Variants in GOLIM4 observed in about 807,000 individuals in gnomAD.
The protein encoded by GOLIM4 is golgi integral membrane protein 4.
GOLIM4 carries 71 observed loss-of-function variants against 107.4 expected under a neutral mutation model. The observed-to-expected ratio is 0.66, with a 90% CI of 0.55 to 0.81. The LOEUF (loss-of-function observed/expected upper bound fraction) is 0.81. Ranked by LOEUF, GOLIM4 falls within the 30% of genes least tolerant of loss-of-function variation. The probability of loss-of-function intolerance (pLI) is 0.00; values close to 1 mark genes in which losing one functional copy is unlikely to be tolerated. For synonymous variants in GOLIM4, 327 were observed against 294.8 expected (o/e 1.11, Z -1.12); for missense variants, 830 against 826.1 (o/e 1.00, Z -0.06).
chr3:168,093,632 C>T (rs1722016417), intron 1 of GOLIM4, among the ~76,000 whole-genome samples: 2 of 152,104 alleles, frequency 1.3e-5, no homozygotes. Flanking sequence ...AATAAGTAAA[C>T]AAATATCCAT....
intron 1 of GOLIM4, among the ~76,000 whole-genome samples, chr3:168,091,480 G>T (rs1259983251): frequency 6.6e-6 from 1 of 152,166 alleles, no homozygotes; most frequent in Non-Finnish European, 1.5e-5. Flanking sequence ...AATTGTCAAG[G>T]AAGGTCCTTT....
Position 168,032,588 on chromosome 3 carries a change from G to C in GOLIM4, c.1108C>G (p.Arg370Gly), listed in dbSNP as rs527632713. Residue 370 changes from arginine to glycine, a missense_variant, in exon 9 of 16, where the codon CGG (arginine) becomes GGG (glycine). Transcript: ENST00000470487. ...TGCTCATGCTGCTCTTTCCACTCCC[G>C]ATCCTGCTCCTCTGGTGATGGATCG... ...EHDPSPEEQD[R>G]EWKEQHEQRE... 6.2e-7 allele frequency: 1 copy of C among 1,613,956 alleles called. No homozygotes were observed. The highest frequency in any genetic ancestry group is 8.5e-7 in the Non-Finnish European group (1 of 1,179,998).
At chr3:168,076,063 T>C (rs1721069599) in intron 1 of GOLIM4, among the ~76,000 whole-genome samples, 1 of 152,196 alleles carries the variant, frequency 6.6e-6, no homozygotes, top group African/African-American at 2.4e-5. Context: ...AAGAAATGCT[T>C]ACAATCAGAT....
intron 7 of GOLIM4, among the ~76,000 whole-genome samples, chr3:168,037,776 A>C (rs1489519964): frequency 1.3e-5 from 2 of 152,224 alleles, no homozygotes; most frequent in Non-Finnish European, 2.9e-5. Flanking sequence ...GGAGCTAGAA[A>C]ATTAGAAAAA....
At chr3:168,041,993 CT>C (rs1719033281) in intron 5 of GOLIM4, among the ~76,000 whole-genome samples, 1 of 152,058 alleles carries the variant, frequency 6.6e-6, no homozygotes, top group South Asian at 2.1e-4. Flanking sequence ...TTGTAACTTA[CT>C]TTTTTTGAAA....
chr3:168,038,766 G>A (rs749636036), intron 7 of GOLIM4, among the ~76,000 whole-genome samples: 3 of 152,162 alleles, frequency 2.0e-5, no homozygotes, highest in Non-Finnish European at 2.9e-5. Flanking sequence ...TCTTAATACA[G>A]TATTACAGAC....
At chr3:168,015,834 C>A in intron 14 of GOLIM4, among the ~76,000 whole-genome samples, 1 of 132,226 alleles carries the variant, frequency 7.6e-6, no homozygotes, top group African/African-American at 4.2e-5. Flanking sequence ...AACTGGCTAG[C>A]CATATGTAGA....
chr3:168,060,325 C>A (rs1180283187), intron 1 of GOLIM4, among the ~76,000 whole-genome samples: 28 of 152,112 alleles, frequency 1.8e-4, no homozygotes, highest in Admixed American at 1.8e-3. Context: ...GAAACTAGTT[C>A]TGCAGTAATT....
intron 1 of GOLIM4, among the ~76,000 whole-genome samples, chr3:168,065,316 G>A (rs1170101015): frequency 2.0e-5 from 3 of 152,168 alleles, no homozygotes; most frequent in African/African-American, 7.2e-5. Flanking sequence ...AAGTAAGAGA[G>A]GAAAGATTCA....
At position 168,032,815 on chromosome 3, in the gene GOLIM4, G is replaced by A. The variant is rs760820602; in HGVS notation, c.881C>T (p.Ala294Val). Residue 294 changes from alanine to valine, a missense_variant, in exon 9 of 16, where the codon GCA (alanine) becomes GTA (valine). Transcript: ENST00000470487. ...TGTGTCTTCTGCTCTTCCAGGAACT[G>A]CTTCATGGTTCTGCCACACATCATT... ...RNNDVWQNHE[A>V]VPGRAEDTKL... The A allele has an allele frequency of 6.2e-7, 1 of 1,613,600 alleles. No individual in the cohort carries two copies. Among genetic ancestry groups the A allele is most frequent in the South Asian group, 1.1e-5 (1 of 91,074 alleles).
chr3:168,052,168 G>C (rs553950055), intron 1 of GOLIM4, among the ~76,000 whole-genome samples: 14 of 152,236 alleles, frequency 9.2e-5, no homozygotes, highest in African/African-American at 3.4e-4. Context: ...GAATGTCAGA[G>C]TTAAATGAGT....
Position 168,010,433 on chromosome 3 carries a change from AAAAAAG to A in GOLIM4, c.1942-21_1942-16del. 1 of 1,537,548 alleles carries A rather than the reference AAAAAAG, an allele frequency of 6.5e-7. No individual in the cohort carries two copies. The highest frequency in any genetic ancestry group is 8.9e-7 in the Non-Finnish European group (1 of 1,117,730). On this transcript the variant is annotated splice_polypyrimidine_tract_variant and intron_variant, in intron 15 of 15. Transcript: ENST00000470487. ...TTATCATCAGTCTTAAAATTAAAAG[AAAAAAG>A]AAAAACTAAGAGATAGTATAGAGTT...
At position 168,095,493 on chromosome 3, in the gene GOLIM4, C is replaced by G; in HGVS notation, c.-208G>C. On this transcript the variant is annotated 5_prime_UTR_variant, in exon 1 of 16. Coordinates refer to ENST00000470487, the MANE Select transcript of GOLIM4 (RefSeq NM_014498.5). Reference sequence around the variant, plus strand: ...GCAGCCATCGACGCCGCCCGGGCAGCTGCAGCCAAACTTCTGCGAGGCTCG... The same window carrying G: ...GCAGCCATCGACGCCGCCCGGGCAGGTGCAGCCAAACTTCTGCGAGGCTCG... 3.8e-6 allele frequency: 2 copies of G among 524,852 alleles called. No individual in the cohort carries two copies. The highest frequency in any genetic ancestry group is 2.0e-5 in the African/African-American group (1 of 48,782). The allele number at this position is 524,852 out of a possible 1,614,324, so 32.5% of individuals were successfully genotyped here. A position where few individuals can be genotyped will look rare whatever the true frequency, so the allele number is the denominator to read the frequency against.
At chr3:168,077,058 A>T (rs1721114628) in intron 1 of GOLIM4, among the ~76,000 whole-genome samples, 1 of 152,244 alleles carries the variant, frequency 6.6e-6, no homozygotes, top group South Asian at 2.1e-4. Context: ...AAATGTGACT[A>T]AAATTATGTT....
chr3:168,041,240 G>A lies in GOLIM4; in HGVS notation c.600+152C>T, dbSNP rs1464680668. 3 of 560,658 alleles carry A rather than the reference G, an allele frequency of 5.4e-6. No homozygotes were observed. The African/African-American group carries it at 5.6e-5, about 11-fold the overall frequency. 34.7% of individuals were successfully genotyped at this position (560,658 alleles called of 1,614,324 possible). A position where few individuals can be genotyped will look rare whatever the true frequency, so the allele number is the denominator to read the frequency against. On this transcript the variant is annotated intron_variant, in intron 6 of 15. Coordinates refer to ENST00000470487, the MANE Select transcript of GOLIM4 (RefSeq NM_014498.5). Reference sequence around the variant, plus strand: ...ATCTTTTAGCTTACAATGCTGAAGTGGTAAAAATATTAGGTACACTCTAGT... The same window carrying A: ...ATCTTTTAGCTTACAATGCTGAAGTAGTAAAAATATTAGGTACACTCTAGT...
At chr3:168,067,893 A>G (rs1324476478) in intron 1 of GOLIM4, among the ~76,000 whole-genome samples, 1 of 152,042 alleles carries the variant, frequency 6.6e-6, no homozygotes, top group Non-Finnish European at 1.5e-5. Context: ...AATATACCTG[A>G]TATTTATTGT....
intron 1 of GOLIM4, among the ~76,000 whole-genome samples, chr3:168,084,504 T>C (rs923401945): frequency 2.6e-5 from 4 of 152,154 alleles, no homozygotes; most frequent in Non-Finnish European, 5.9e-5. Context: ...GATCCTTTAA[T>C]CCCAATCAAG....
At position 168,088,197 on chromosome 3, in the gene GOLIM4, C is replaced by T. The variant is rs188943184; in HGVS notation, c.187+6902G>A. ...TTTCAGGTTTTTTCCACCCCAAGAA[C>T]GGCTCAAAAGGGTAGAAAAGACAGA... is the stretch of plus-strand genomic sequence containing the variant. On this transcript the variant is annotated intron_variant, in intron 1 of 15. Transcript: ENST00000470487. 1.1e-4 allele frequency among the ~76,000 whole-genome samples: 16 copies of T among 152,152 alleles called. 1 individual carries two copies. The highest frequency in any genetic ancestry group is 2.9e-4 in the African/African-American group (12 of 41,512).
chr3:168,036,301 G>A (rs1201238411), intron 8 of GOLIM4, among the ~76,000 whole-genome samples: 1 of 152,260 alleles, frequency 6.6e-6, no homozygotes, highest in Non-Finnish European at 1.5e-5. Flanking sequence ...AGCACTTTGG[G>A]AAGCCAAGGC....
Sources: gnomAD v4.1 joint callset for allele counts (sites outside exome capture counted in the v4.1 genomes callset) on GRCh38, gnomAD v4.1.1 for gene constraint, MANE v1.5 for transcripts, NCBI Gene and HGNC (gene_info 2026-07-23, HGNC 2026-07-21) for gene names.